Variants in ZNF365 observed in about 807,000 individuals in gnomAD.
ZNF365 encodes the protein zinc finger protein 365.
ZNF365 carries 22 observed loss-of-function variants against 35.0 expected under a neutral mutation model. The ratio of observed to expected loss-of-function variants is 0.63; its 90% CI spans 0.45 to 0.90. The LOEUF (loss-of-function observed/expected upper bound fraction) is 0.90. Among genes scored for constraint, ZNF365 ranks in the 40% least tolerant of loss-of-function variants. The pLI, the probability that ZNF365 is intolerant of heterozygous loss-of-function variation, is 0.00. For missense variants in ZNF365, 448 were observed against 500.3 expected, an observed-to-expected ratio of 0.90 and a Z score of 1.00; for synonymous variants, 188 against 196.2, an observed-to-expected ratio of 0.96 and a Z score of 0.35.
chr10:62,478,391 C>T (rs1243657263), intron 4 of ZNF365, among the ~76,000 whole-genome samples: 2 of 152,176 alleles, frequency 1.3e-5, no homozygotes, highest in African/African-American at 4.8e-5. Flanking sequence ...GCATAGCTCC[C>T]AGACATTTTC....
At chr10:62,456,459 AT>A (rs1840762800) in intron 3 of ZNF365, among the ~76,000 whole-genome samples, 1 of 152,158 alleles carries the variant, frequency 6.6e-6, no homozygotes, top group Admixed American at 6.5e-5. Context: ...ATTTTTATGA[AT>A]TTATTTCTAT....
intron 3 of ZNF365, among the ~76,000 whole-genome samples, chr10:62,393,851 G>A (rs1839676799): frequency 6.6e-6 from 1 of 152,188 alleles, no homozygotes; most frequent in Admixed American, 6.5e-5. Context: ...AGGCTGTGGT[G>A]AGGGAACTGT....
At chr10:62,396,137 G>A (rs955241821) in intron 3 of ZNF365, among the ~76,000 whole-genome samples, 2 of 152,176 alleles carry the variant, frequency 1.3e-5, no homozygotes, top group African/African-American at 4.8e-5. Flanking sequence ...ATAAGCCCTG[G>A]CCTCCACCCC....
intron 3 of ZNF365, among the ~76,000 whole-genome samples, chr10:62,411,776 CA>C (rs901193871): frequency 2.1e-4 from 32 of 151,934 alleles, no homozygotes; most frequent in African/African-American, 7.7e-4. Context: ...TTTTAGGTTT[CA>C]TATGAATTTT....
At chr10:62,466,697 G>GTTTTTTT in intron 4 of ZNF365, among the ~76,000 whole-genome samples, 1 of 148,108 alleles carries the variant, frequency 6.8e-6, no homozygotes, top group Non-Finnish European at 1.5e-5. Flanking sequence ...ATATACTATA[G>GTTTTTTT]TTTTTTTTTT....
At chr10:62,411,564 G>A (rs1839985542) in intron 3 of ZNF365, among the ~76,000 whole-genome samples, 1 of 151,982 alleles carries the variant, frequency 6.6e-6, no homozygotes, top group Non-Finnish European at 1.5e-5. Context: ...TTTTTGTCAG[G>A]TTTGTTGAAG....
Position 62,440,256 on chromosome 10 carries a change from G to A in ZNF365, c.925-19485G>A, listed in dbSNP as rs149972933. ...CTTTTTTTTTAAACTTTTATTTTAG[G>A]TTCGGGGGTACATGTGAAGGTTTGT... is the stretch of plus-strand genomic sequence containing the variant. On this transcript the variant is annotated intron_variant, in intron 3 of 4. Coordinates refer to the ZNF365 transcript ENST00000395255. Among the ~76,000 whole-genome samples, 6 of 149,488 alleles carry A rather than the reference G, an allele frequency of 4.0e-5. 1 individual carries two copies. Among genetic ancestry groups the A allele is most frequent in the African/African-American group, 1.5e-4 (6 of 40,528 alleles).
intron 3 of ZNF365, among the ~76,000 whole-genome samples, chr10:62,394,505 A>G (rs955067053): frequency 1.3e-5 from 2 of 152,186 alleles, no homozygotes; most frequent in East Asian, 3.9e-4. Flanking sequence ...CTGTTCCATG[A>G]CCTTCCATTT....
intron 3 of ZNF365, 59 bp from the exon 4 acceptor site, chr10:62,398,681 A>C: frequency 6.5e-7 from 1 of 1,535,370 alleles, no homozygotes; most frequent in Non-Finnish European, 8.9e-7. Context: ...GAAATATTTT[A>C]AAAACCAAAT....
rs368829001 is a variant in ZNF365, at chr10:62,384,800, T to C, written c.744-3596T>C. Among the ~76,000 whole-genome samples the C allele has an allele frequency of 2.6e-5, 4 of 152,246 alleles. No homozygotes were observed. The East Asian group carries it at 5.8e-4, about 22-fold the overall frequency. On this transcript the variant is annotated intron_variant, in intron 2 of 4. Transcript: ENST00000395254. ...AGTGAACATTTTGTACTTTCTTACG[T>C]TGAAATCTATTGGTCTGTCTTGCAC... is the stretch of plus-strand genomic sequence containing the variant.
In ZNF365 at chr10:62,392,791, C is replaced by CTA. The variant is rs770352177; in HGVS notation, c.924+4215_924+4216insTA. 3.8e-3 allele frequency among the ~76,000 whole-genome samples: 586 copies of CTA among 152,228 alleles called. 3 individuals carry two copies. The highest frequency in any genetic ancestry group is 7.3e-3 in the Non-Finnish European group (498 of 68,016). ...GATTACAGGCACCTGCCACCACACC[C>CTA]AGCTAATTTTTTGTATTTTTAATAG... On this transcript the variant is annotated intron_variant, in intron 3 of 4. Transcript: ENST00000395254.
At chr10:62,448,131 C>T (rs994860234) in intron 3 of ZNF365, among the ~76,000 whole-genome samples, 2 of 152,214 alleles carry the variant, frequency 1.3e-5, no homozygotes, top group African/African-American at 4.8e-5. Context: ...AAATATTATA[C>T]ACATCTCCAT....
intron 4 of ZNF365, among the ~76,000 whole-genome samples, chr10:62,471,904 A>T (rs1481112856): frequency 6.6e-6 from 1 of 152,266 alleles, no homozygotes; most frequent in Non-Finnish European, 1.5e-5. Context: ...AAAAATTGTT[A>T]CATGTTGAAT....
chr10:62,410,207 C>A (rs935244007), intron 3 of ZNF365, among the ~76,000 whole-genome samples: 2 of 152,090 alleles, frequency 1.3e-5, no homozygotes, highest in Non-Finnish European at 2.9e-5. Flanking sequence ...ATTAACTAAG[C>A]CTTGTTCAAA....
Position 62,446,346 on chromosome 10 carries a change from C to A in ZNF365, c.925-13395C>A, listed in dbSNP as rs144341302. Among the ~76,000 whole-genome samples the A allele has an allele frequency of 4.5e-4, 68 of 152,246 alleles. No homozygotes were observed. The East Asian group carries it at 6.6e-3, about 15-fold the overall frequency. On this transcript the variant is annotated intron_variant, in intron 3 of 4. Transcript: ENST00000395255. The stretch of plus-strand genomic sequence containing the variant: ...CACTTCCTAACCATGTGACTTGGGG[C>A]AGATTGTTCAACTTCTGTATGCCCC...
At chr10:62,460,426 A>G (rs1196987947) in intron 4 of ZNF365, among the ~76,000 whole-genome samples, 3 of 152,258 alleles carry the variant, frequency 2.0e-5, no homozygotes, top group African/African-American at 7.2e-5. Context: ...GCACAGGAAG[A>G]GATGAACAAC....
intron 3 of ZNF365, among the ~76,000 whole-genome samples, chr10:62,430,459 C>T (rs1227138755): frequency 6.6e-6 from 1 of 152,176 alleles, no homozygotes; most frequent in Admixed American, 6.5e-5. Flanking sequence ...GGATTACAGG[C>T]GTGATGGAAA....
rs1839827477 is a variant in ZNF365, at chr10:62,401,480, A to G, written c.*1691A>G. 3 of 922,572 alleles carry G rather than the reference A, an allele frequency of 3.3e-6. No homozygotes were observed. In the African/African-American group the frequency reaches 6.5e-5, roughly 20 times the overall value. 57.1% of individuals were successfully genotyped at this position (922,572 alleles called of 1,614,324 possible). ...TTCTTGAATCTTCACTTTGACTTTC[A>G]GTTTATGGGGGGGGTAGATCATTCA... On this transcript the variant is annotated 3_prime_UTR_variant, in exon 5 of 5. Coordinates refer to ENST00000395254, the MANE Select transcript of ZNF365 (RefSeq NM_014951.3).
At position 62,396,648 on chromosome 10, in the gene ZNF365, A is replaced by G. The variant is rs575958582; in HGVS notation, c.925-2092A>G. On this transcript the variant is annotated intron_variant, in intron 3 of 4. Transcript: ENST00000395254. ...CCCATTAGTGACATTCATAGTCACT[A>G]AGGTTGGAGTTCTAAAAACATTTTT... is the stretch of plus-strand genomic sequence containing the variant. Among the ~76,000 whole-genome samples, 4 of 152,330 alleles carry G rather than the reference A, an allele frequency of 2.6e-5. No individual in the cohort carries two copies. In the East Asian group the frequency reaches 5.8e-4, roughly 22 times the overall value.
Sources: allele counts gnomAD v4.1 joint callset (sites outside exome capture counted in the v4.1 genomes callset), GRCh38; gene constraint gnomAD v4.1.1; transcripts MANE v1.5; gene names NCBI Gene and HGNC (gene_info 2026-07-23, HGNC 2026-07-21).